Variants in EPM2A observed in about 807,000 individuals in gnomAD.
EPM2A encodes the protein EPM2A glucan phosphatase, laforin.
In EPM2A, 21 loss-of-function variants were observed where a neutral mutation model predicts 26.5. That is an observed-to-expected ratio of 0.79 (90% CI 0.56 to 1.14). EPM2A has a LOEUF of 1.14. Ranked by LOEUF, EPM2A falls within the 50% of genes most tolerant of loss-of-function variation. The pLI is 0.00. For missense variants in EPM2A, 458 were observed against 440.8 expected, an observed-to-expected ratio of 1.04 and a Z score of -0.35; for synonymous variants, 217 against 177.6, an observed-to-expected ratio of 1.22 and a Z score of -1.76.
Position 145,614,010 on chromosome 6 carries a change from C to A in EPM2A, c.340+21235G>T, listed in dbSNP as rs1417733102. On this transcript the variant is annotated intron_variant, in intron 2 of 3. Transcript: ENST00000450221. ...CTTTAGCTATGAAAGTCTTAAATGG[C>A]ATCTTCTTCTAATAGAAGGCTGTTT... Among the ~76,000 whole-genome samples the A allele has an allele frequency of 2.6e-5, 4 of 152,326 alleles. No individual in the cohort carries two copies. The East Asian group carries it at 7.7e-4, about 29-fold the overall frequency.
chr6:145,665,517 A>T (rs1779109368), intron 2 of EPM2A, among the ~76,000 whole-genome samples: 1 of 129,200 alleles, frequency 7.7e-6, no homozygotes, highest in Admixed American at 8.5e-5. Context: ...TTGAGGCAAT[A>T]ATCAATAGTT....
intron 4 of EPM2A, among the ~76,000 whole-genome samples, chr6:145,479,502 T>A (rs1779587129): frequency 6.6e-6 from 1 of 151,912 alleles, no homozygotes; most frequent in Non-Finnish European, 1.5e-5. Flanking sequence ...ATTCTAGTAT[T>A]TCATACAAGT....
At position 145,461,802 on chromosome 6, in the gene EPM2A, C is replaced by G. The variant is rs550638817; in HGVS notation, c.555+40720G>C. ...CAGCTATGAGAAGGCACAGCAGGTT[C>G]TTGAGGTGCTGGGACAATAATTTCA... On this transcript the variant is annotated intron_variant, in intron 4 of 4. Transcript: ENST00000638717. Among the ~76,000 whole-genome samples, 4 of 152,286 alleles carry G rather than the reference C, an allele frequency of 2.6e-5. No individual in the cohort carries two copies. The East Asian group carries it at 5.8e-4, about 22-fold the overall frequency.
chr6:145,528,208 T>G (rs1780305514), intron 2 of EPM2A, among the ~76,000 whole-genome samples: 12 of 152,124 alleles, frequency 7.9e-5, no homozygotes, highest in Admixed American at 7.9e-4. Flanking sequence ...CAACTGCTAA[T>G]GAAGAAGCTA....
intron 2 of EPM2A, among the ~76,000 whole-genome samples, chr6:145,610,208 C>T (rs1582894622): frequency 6.8e-6 from 1 of 146,052 alleles, no homozygotes; most frequent in South Asian, 2.1e-4. Flanking sequence ...AGCAAGACTC[C>T]GTCTCAAAAA....
intron 2 of EPM2A, among the ~76,000 whole-genome samples, chr6:145,543,135 A>T (rs193139828): frequency 6.6e-6 from 1 of 152,272 alleles, no homozygotes; most frequent in East Asian, 1.9e-4. Context: ...TCATTGCTAT[A>T]TTAGATTTAT....
chr6:145,551,270 T>C (rs917727356), intron 2 of EPM2A, among the ~76,000 whole-genome samples: 2 of 151,900 alleles, frequency 1.3e-5, no homozygotes, highest in Non-Finnish European at 2.9e-5. Context: ...AAATAAGCAA[T>C]CCAAACATCT....
intron 4 of EPM2A, among the ~76,000 whole-genome samples, chr6:145,465,959 C>T (rs532865890): frequency 1.6e-4 from 24 of 152,180 alleles, no homozygotes; most frequent in African/African-American, 5.5e-4. Flanking sequence ...AACTGGATCC[C>T]TTCCTTACCC....
chr6:145,697,755 C>T (rs962494397), intron 1 of EPM2A, among the ~76,000 whole-genome samples: 4 of 152,146 alleles, frequency 2.6e-5, no homozygotes, highest in Admixed American at 6.5e-5. Flanking sequence ...AGCTCACTGG[C>T]GGTCAGAGTT....
intron 4 of EPM2A, among the ~76,000 whole-genome samples, chr6:145,449,477 G>A (rs752448419): frequency 6.6e-6 from 1 of 152,110 alleles, no homozygotes; most frequent in Non-Finnish European, 1.5e-5. Context: ...AGAATCATGT[G>A]GTAGCATCTT....
chr6:145,423,075 T>A (rs532246407), intron 4 of EPM2A, among the ~76,000 whole-genome samples: 24 of 152,250 alleles, frequency 1.6e-4, no homozygotes, highest in African/African-American at 5.3e-4. Context: ...TATATGGTCT[T>A]TTCTCATACT....
rs972746445 is a variant in EPM2A at position 145,628,145 on chromosome 6, G to A, written c.719-452C>T. On this transcript the variant is annotated intron_variant, in intron 3 of 3. Transcript: ENST00000367519. ...CCAGCTAAATGTAAAACACAGAAGC[G>A]GCCCATAATAGTTAAAGGAATCAAT... is the stretch of plus-strand genomic sequence containing the variant. 4.3e-5 allele frequency: 9 copies of A among 207,722 alleles called. No homozygotes were observed. In the East Asian group the frequency reaches 7.2e-4, roughly 17 times the overall value. The allele number at this position is 207,722 out of a possible 1,614,324, so 12.9% of individuals were successfully genotyped here. A position where few individuals can be genotyped will look rare whatever the true frequency, so the allele number is the denominator to read the frequency against.
chr6:145,407,516 C>T (rs189090520), intron 4 of EPM2A, among the ~76,000 whole-genome samples: 1 of 152,238 alleles, frequency 6.6e-6, no homozygotes, highest in Non-Finnish European at 1.5e-5. Flanking sequence ...GCAAGTTCTG[C>T]ACACCTATGC....
At chr6:145,507,659 C>G (rs899563369) in intron 2 of EPM2A, among the ~76,000 whole-genome samples, 8 of 152,230 alleles carry the variant, frequency 5.3e-5, no homozygotes, top group Non-Finnish European at 1.2e-4. Flanking sequence ...GTAGCCACAG[C>G]AGGCATTTAA....
intron 4 of EPM2A, among the ~76,000 whole-genome samples, chr6:145,408,745 A>G (rs1186357675): frequency 6.6e-6 from 1 of 152,164 alleles, no homozygotes; most frequent in African/African-American, 2.4e-5. Context: ...AAACAGCAGC[A>G]ATTTATTTCT....
chr6:145,655,252 T>C (rs1285595178), intron 2 of EPM2A, among the ~76,000 whole-genome samples: 7 of 152,078 alleles, frequency 4.6e-5, no homozygotes, highest in African/African-American at 1.7e-4. Context: ...ATAATATCTA[T>C]TTAAGTGCCC....
downstream of EPM2A, among the ~76,000 whole-genome samples, chr6:145,623,598 G>C (rs1775683218): frequency 6.6e-6 from 1 of 152,220 alleles, no homozygotes. Context: ...AAAGGGCTTT[G>C]ACTTTTACCT....
At chr6:145,705,513 C>T (rs1361682974) in intron 1 of EPM2A, 1 of 454,454 alleles carries the variant, frequency 2.2e-6, no homozygotes, top group Non-Finnish European at 4.4e-6. Context: ...CAAGATTACG[C>T]CACTGCACTC....
intron 4 of EPM2A, among the ~76,000 whole-genome samples, chr6:145,426,599 C>T (rs1778857531): frequency 1.3e-5 from 2 of 152,122 alleles, no homozygotes; most frequent in Admixed American, 1.3e-4. Flanking sequence ...AATATACATA[C>T]CTGTATACAG....
Sources: allele counts gnomAD v4.1 joint callset (sites outside exome capture counted in the v4.1 genomes callset), GRCh38; gene constraint gnomAD v4.1.1; transcripts MANE v1.5; gene names NCBI Gene and HGNC (gene_info 2026-07-23, HGNC 2026-07-21).